The following ANO9 variants were observed in gnomAD, a reference collection of about 807,000 sequenced individuals.
ANO9 encodes the protein anoctamin 9.
A neutral mutation model predicts 100.5 loss-of-function variants in ANO9; 80 were observed. That is an observed-to-expected ratio of 0.80 (90% confidence interval 0.66 to 0.96). The LOEUF (loss-of-function observed/expected upper bound fraction) is 0.96, where lower values mean the gene tolerates loss of function less well. Ranked by LOEUF, ANO9 falls within the 40% of genes least tolerant of loss-of-function variation. The pLI, the probability that ANO9 is intolerant of heterozygous loss-of-function variation, is 0.00. For missense variants in ANO9, 1,064 were observed against 1,072.7 expected (o/e 0.99, Z 0.11); for synonymous variants, 473 against 435.6 (o/e 1.09, Z -1.07).
rs1488382553 is a variant in ANO9, at chr11:420,590, G to C, written c.1659C>G (p.Ile553Met). The change falls in exon 19 of 23, where the codon ATC becomes ATG. Residue 553 changes from isoleucine (I) to methionine (M), a missense_variant. Ile to Met is a conservative substitution (Grantham distance 10). Transcript: ENST00000332826. ...GCGCCAGCGGGAAGGCGGCCACGAA[G>C]ATGGTGGTGAAGCCGTACTGGATCA... Reference protein sequence around the residue: ...EMMIQYGFTTIFVAAFPLAPL... With the variant: ...EMMIQYGFTTMFVAAFPLAPL... The C allele has an allele frequency of 1.9e-6, 3 of 1,605,050 alleles. No homozygotes were observed. The highest frequency in any genetic ancestry group is 1.7e-6 in the Non-Finnish European group (2 of 1,179,544).
intron 1 of ANO9, among the ~76,000 whole-genome samples, chr11:434,396 C>T (rs1849290225): frequency 6.6e-6 from 1 of 152,304 alleles, no homozygotes; most frequent in East Asian, 1.9e-4. Context: ...GCTGAGCAGC[C>T]CACAGGGGAA....
Position 420,000 on chromosome 11 carries a change from C to T in ANO9, c.1787-271G>A. On this transcript the variant is annotated intron_variant, in intron 19 of 22. Coordinates refer to ENST00000332826, the MANE Select transcript of ANO9 (RefSeq NM_001012302.3). ...ACTTCTCAGCTGTGCCCCCCAGCCA[C>T]TCCACCTCCTGGGTTCCCACCCCAG... The T allele has an allele frequency of 2.2e-6, 3 of 1,361,766 alleles. No homozygotes were observed. The South Asian group carries it at 5.2e-5, about 24-fold the overall frequency. The allele number at this position is 1,361,766 out of a possible 1,614,324, so 84.4% of individuals were successfully genotyped here. A position where few individuals can be genotyped will look rare whatever the true frequency, so the allele number is the denominator to read the frequency against.
Position 419,071 on chromosome 11 carries a change from T to TCAC in ANO9, c.1935-83_1935-82insGTG. On this transcript the variant is annotated intron_variant, in intron 20 of 22. Transcript: ENST00000332826. ...GGCCCCAGAGTGCTTCTAGCCTGCG[T>TCAC]TGTGGAGCAAACAGTGAGGTGGGGG... 1.5e-5 allele frequency: 24 copies of TCAC among 1,594,486 alleles called. No homozygotes were observed. The South Asian group carries it at 2.7e-4, about 18-fold the overall frequency.
intron 1 of ANO9, among the ~76,000 whole-genome samples, chr11:438,758 G>A (rs1157631527): frequency 6.6e-6 from 1 of 152,106 alleles, no homozygotes; most frequent in African/African-American, 2.4e-5. Context: ...ACAGGTGAGG[G>A]CTGGACCACC....
chr11:419,176 T>C lies in ANO9; in HGVS notation c.1935-187A>G, dbSNP rs1296660946. The C allele has an allele frequency of 5.0e-5, 72 of 1,434,656 alleles. 1 individual carries two copies. In the East Asian group the frequency reaches 1.8e-3, roughly 36 times the overall value. 88.9% of individuals were successfully genotyped at this position (1,434,656 alleles called of 1,614,324 possible). A position where few individuals can be genotyped will look rare whatever the true frequency, so the allele number is the denominator to read the frequency against. ...ACATCCGGGGGCCTTGTGGGGACTGTGGGGACTCTGGGCATCACCAGCCAC... is the reference window on the plus strand; with the variant it reads ...ACATCCGGGGGCCTTGTGGGGACTGCGGGGACTCTGGGCATCACCAGCCAC... On this transcript the variant is annotated intron_variant, in intron 20 of 22. Transcript: ENST00000332826.
chr11:441,371 C>T (rs1040505805), intron 1 of ANO9, among the ~76,000 whole-genome samples: 2 of 152,132 alleles, frequency 1.3e-5, no homozygotes, highest in Non-Finnish European at 2.9e-5. Flanking sequence ...TCAGCGCCCA[C>T]CCCCAGAATC....
Position 421,434 on chromosome 11 carries a change from GGCGCGC to G in ANO9, c.1335-242_1335-237del, listed in dbSNP as rs1286096729. Reference sequence around the variant, plus strand: ...CCCAGATGAACCGCACCCACACGTGGGCGCGCGCACACACACACACACCCCCACACA... The same window carrying G: ...CCCAGATGAACCGCACCCACACGTGGGCACACACACACACACCCCCACACA... On this transcript the variant is annotated intron_variant, in intron 15 of 22. Transcript: ENST00000332826. This position sits in a 1 kb window ranked among gnomAD's most constrained non-coding sequence, Gnocchi z 6.8. 5.1e-6 allele frequency: 2 copies of G among 389,292 alleles called. No individual in the cohort carries two copies. The highest frequency in any genetic ancestry group is 2.4e-5 in the African/African-American group (1 of 42,480). The allele number at this position is 389,292 out of a possible 1,614,324, so 24.1% of individuals were successfully genotyped here.
chr11:431,221 T>C (rs1299864555), intron 7 of ANO9, among the ~76,000 whole-genome samples: 42 of 17,466 alleles, frequency 2.4e-3, no homozygotes, highest in Admixed American at 6.9e-3. Flanking sequence ...GGGGCTCCCG[T>C]GGGTATCTGG....
At chr11:438,384 GCC>G (rs376556283) in intron 1 of ANO9, among the ~76,000 whole-genome samples, 1 of 95,448 alleles carries the variant, frequency 1.0e-5, no homozygotes. Flanking sequence ...GACAGGTGTA[GCC>G]CCCCCCCGAC....
chr11:422,139 C>T lies in ANO9; in HGVS notation c.1335-941G>A, dbSNP rs1848234558. ...ACATGGCATGAGAAAGTATCGGTCA[C>T]CCGCAGACACCAGCACAAGTTATAC... is the stretch of plus-strand genomic sequence containing the variant. On this transcript the variant is annotated intron_variant, in intron 15 of 22. Transcript: ENST00000332826. The surrounding 1 kb of genome is among the most constrained non-coding windows in gnomAD (Gnocchi z 4.3). 6.6e-6 allele frequency among the ~76,000 whole-genome samples: 1 copy of T among 152,168 alleles called. No homozygotes were observed. The highest frequency in any genetic ancestry group is 6.5e-5 in the Admixed American group (1 of 15,276).
intron 15 of ANO9, among the ~76,000 whole-genome samples, 174 bp downstream of exon 15, chr11:427,914 C>T (rs567694354): frequency 6.0e-5 from 9 of 149,886 alleles, no homozygotes; most frequent in African/African-American, 9.9e-5. Flanking sequence ...CCTCGGGGCC[C>T]GGGATTCAGG....
rs1350046027 is a variant in ANO9 at position 429,664 on chromosome 11, G to A, written c.833-12C>T. ...CAGGAACACCGTGGCTGCGGCGGGGGCAAGGAGGGGCATCACTGCACTACG... is the reference window on the plus strand; with the variant it reads ...CAGGAACACCGTGGCTGCGGCGGGGACAAGGAGGGGCATCACTGCACTACG... On this transcript the variant is annotated splice_polypyrimidine_tract_variant and intron_variant, in intron 10 of 22. Coordinates refer to ENST00000332826, the MANE Select transcript of ANO9 (RefSeq NM_001012302.3). 3 of 1,612,590 alleles carry A rather than the reference G, an allele frequency of 1.9e-6. No homozygotes were observed. Among genetic ancestry groups the A allele is most frequent in the East Asian group, 2.2e-5 (1 of 44,876 alleles).
chr11:419,055 G>A, intron 20 of ANO9, 66 bp from the exon 21 acceptor site: 4 of 1,608,216 alleles, frequency 2.5e-6, no homozygotes, highest in Non-Finnish European at 3.4e-6. Context: ...AGGCCCCAGA[G>A]TGCTTCTAGC....
chr11:433,306 C>G lies in ANO9; in HGVS notation c.350+8G>C. 1 of 1,611,294 alleles carries G rather than the reference C, an allele frequency of 6.2e-7. No homozygotes were observed. The highest frequency in any genetic ancestry group is 1.1e-5 in the South Asian group (1 of 91,002). On this transcript the variant is annotated splice_region_variant and intron_variant, in intron 4 of 22. Transcript: ENST00000332826. ...CTCCTGGCCACGGCTCTGGGTGCAG[C>G]CTCTCACCTCGTGGTGACCGGGATG...
rs757481877 is a variant in ANO9, at chr11:418,935, G to T, written c.1989C>A (p.Phe663Leu). The T allele has an allele frequency of 1.5e-5, 25 of 1,613,246 alleles. No homozygotes were observed. Among genetic ancestry groups the T allele is most frequent in the Non-Finnish European group, 1.9e-5 (22 of 1,179,756 alleles). Residue 663 changes from phenylalanine to leucine, a missense_variant, in exon 21 of 23, where the codon TTC becomes TTA. Phe to Leu is a conservative substitution (Grantham distance 22). Coordinates refer to ENST00000332826, the MANE Select transcript of ANO9 (RefSeq NM_001012302.3). ...HSLSVFHTKD[F>L]QDPDGIEGSE... ...AGCCCTCAATCCCATCAGGGTCCTG[G>T]AAGTCCTTGGTGTGGAAGACGGACA...
In ANO9 at chr11:420,788, C is replaced by T. The variant is rs1334179409; in HGVS notation, c.1563G>A (p.Arg521=). 1.2e-6 allele frequency: 2 copies of T among 1,600,392 alleles called. No homozygotes were observed. The highest frequency in any genetic ancestry group is 1.7e-5 in the Admixed American group (1 of 59,214). ...TCAGAAGGTAGTTGCGCCGCCAGTCCCTGAGCTCGGGGTCCCGGGGCAGGT... is the reference window on the plus strand; with the variant it reads ...TCAGAAGGTAGTTGCGCCGCCAGTCTCTGAGCTCGGGGTCCCGGGGCAGGT... ...SGHLPRDPEL[R]DWRRNYLLNP... Residue 521 remains arginine, a synonymous_variant, in exon 18 of 23, where the codon AGG becomes AGA. Transcript: ENST00000332826.
Position 419,705 on chromosome 11 carries a change from G to T in ANO9, c.1811C>A (p.Thr604Asn), listed in dbSNP as rs776650801. The change falls in exon 20 of 23, where the codon ACC (threonine) becomes AAC (asparagine). Residue 604 changes from threonine to asparagine, a missense_variant. By Grantham distance (65) the Thr-to-Asn change is moderately conservative. Transcript: ENST00000332826. ...DIGTWLQVLE[T>N]IGVLAVIANG... is the part of the protein sequence containing the mutation. Reference sequence around the variant, plus strand: ...GGCAATGACCGCCAGCACACCGATGGTCTCCAGCACCTGCAGCCAGGTCCC... The same window carrying T: ...GGCAATGACCGCCAGCACACCGATGTTCTCCAGCACCTGCAGCCAGGTCCC... The T allele has an allele frequency of 6.2e-7, 1 of 1,603,950 alleles. No individual in the cohort carries two copies. The highest frequency in any genetic ancestry group is 8.5e-7 in the Non-Finnish European group (1 of 1,177,474).
intron 11 of ANO9, 72 bp from the exon 12 acceptor site, chr11:428,898 ACACCT>A: frequency 2.1e-6 from 3 of 1,435,362 alleles, no homozygotes; most frequent in Non-Finnish European, 2.9e-6. Context: ...ACACAGAGAC[ACACCT>A]CACGGGTGGA....
At chr11:428,307 C>T (rs371435793) in intron 14 of ANO9, 51 bp downstream of exon 14, 4 of 1,610,724 alleles carry the variant, frequency 2.5e-6, no homozygotes, top group Non-Finnish European at 3.4e-6. Context: ...AGGCCCCAGC[C>T]CTGAGTCCTC....
Sources: gnomAD v4.1 joint callset for allele counts (sites outside exome capture counted in the v4.1 genomes callset) on GRCh38, gnomAD v4.1.1 for gene constraint, Gnocchi (gnomAD v3.1) non-coding constraint, MANE v1.5 for transcripts, NCBI Gene and HGNC (gene_info 2026-07-23, HGNC 2026-07-21) for gene names.